The following NFAM1 variants were observed in gnomAD, a reference collection of about 807,000 sequenced individuals.
NFAM1 encodes NFAT activating protein with ITAM motif 1.
A neutral mutation model predicts 29.0 loss-of-function variants in NFAM1; 17 were observed. The observed-to-expected ratio is 0.59, with a 90% confidence interval of 0.40 to 0.88. The LOEUF is 0.88. NFAM1 is among the 40% of genes least tolerant of loss of function. The probability of loss-of-function intolerance (pLI) is 0.00; values close to 1 mark genes in which losing one functional copy is unlikely to be tolerated. For synonymous variants in NFAM1, 175 were observed against 147.2 expected (o/e 1.19, Z -1.36); for missense variants, 324 against 344.6 (o/e 0.94, Z 0.47).
upstream of NFAM1, among the ~76,000 whole-genome samples, chr22:42,436,580 G>A (rs1930946322): frequency 6.6e-6 from 1 of 152,216 alleles, no homozygotes. Flanking sequence ...CCCGCAGGCT[G>A]CCCGGGCTGG....
intron 2 of NFAM1, among the ~76,000 whole-genome samples, chr22:42,411,019 C>CTT (rs138369373): frequency 0.025 from 3,081 of 121,394 alleles, 166 homozygotes; most frequent in African/African-American, 0.095. Flanking sequence ...CTTTTCTTTT[C>CTT]TTTTTTTTTT....
upstream of NFAM1, among the ~76,000 whole-genome samples, chr22:42,434,562 C>T (rs755787574): frequency 9.2e-5 from 14 of 152,190 alleles, no homozygotes; most frequent in Admixed American, 2.0e-4. Flanking sequence ...GCTGCGCTGT[C>T]GGGGCCTCGT....
intron 1 of NFAM1, among the ~76,000 whole-genome samples, chr22:42,429,014 G>C: frequency 6.6e-6 from 1 of 152,178 alleles, no homozygotes; most frequent in South Asian, 2.1e-4. Context: ...GCTTTGCAGA[G>C]GGGTCAAGAA....
In NFAM1 at chr22:42,395,000, C is replaced by T. The variant is rs1929469687; in HGVS notation, c.663+2858G>A. ...ACCAGCCTGGGCAATATAGTGAGAC[C>T]TTGTCTCTACAAAAAATTAAAAAAT... On this transcript the variant is annotated intron_variant, in intron 4 of 5. Transcript: ENST00000329021. Among the ~76,000 whole-genome samples the T allele has an allele frequency of 2.6e-5, 4 of 152,186 alleles. No homozygotes were observed. The South Asian group carries it at 8.3e-4, about 32-fold the overall frequency.
At chr22:42,431,789 C>G (rs1262535906) in intron 1 of NFAM1, among the ~76,000 whole-genome samples, 1 of 148,820 alleles carries the variant, frequency 6.7e-6, no homozygotes, top group Admixed American at 6.6e-5. Flanking sequence ...CCCCTCCCCC[C>G]TCTCCCCGCT....
chr22:42,430,940 A>T (rs1930777274), intron 1 of NFAM1, among the ~76,000 whole-genome samples: 1 of 152,198 alleles, frequency 6.6e-6, no homozygotes. Context: ...TGTTTGCACC[A>T]ACTGTCTGGG....
rs539547192 is a variant in NFAM1, at chr22:42,428,088, G to A, written c.121+4149C>T. Among the ~76,000 whole-genome samples, 19 of 152,310 alleles carry A rather than the reference G, an allele frequency of 1.2e-4. No individual in the cohort carries two copies. The South Asian group carries it at 2.3e-3, about 18-fold the overall frequency. ...GACAGGACCCGCTGGGAGTGTGCCCGGACCCCTACCTGAGGGGCATTTGTG... is the reference window on the plus strand; with the variant it reads ...GACAGGACCCGCTGGGAGTGTGCCCAGACCCCTACCTGAGGGGCATTTGTG... On this transcript the variant is annotated intron_variant, in intron 1 of 5. Coordinates refer to ENST00000329021, the MANE Select transcript of NFAM1 (RefSeq NM_145912.8).
chr22:42,395,506 AAAAAT>A (rs1206510011), intron 4 of NFAM1, among the ~76,000 whole-genome samples: 2 of 151,212 alleles, frequency 1.3e-5, no homozygotes, highest in Non-Finnish European at 2.9e-5. Flanking sequence ...TATAAATAAT[AAAAAT>A]AAAATAAAAT....
chr22:42,420,316 A>T (rs1047359788), intron 1 of NFAM1, among the ~76,000 whole-genome samples: 26 of 152,166 alleles, frequency 1.7e-4, no homozygotes, highest in African/African-American at 6.3e-4. Flanking sequence ...TACTCAATAA[A>T]TAAATAAATT....
At chr22:42,425,695 T>C (rs981137806) in intron 1 of NFAM1, among the ~76,000 whole-genome samples, 1 of 152,170 alleles carries the variant, frequency 6.6e-6, no homozygotes, top group Non-Finnish European at 1.5e-5. Flanking sequence ...ACCCTCTCTC[T>C]TTGACCTTCC....
At chr22:42,413,883 G>A (rs1183531753) in intron 1 of NFAM1, among the ~76,000 whole-genome samples, 4 of 152,070 alleles carry the variant, frequency 2.6e-5, no homozygotes, top group Non-Finnish European at 4.4e-5. Flanking sequence ...GCAAAACCCC[G>A]TCTCTACTAA....
intron 1 of NFAM1, among the ~76,000 whole-genome samples, chr22:42,427,829 T>C (rs917483813): frequency 6.6e-6 from 1 of 152,066 alleles, no homozygotes; most frequent in Admixed American, 6.6e-5. Context: ...ATGATAAAAC[T>C]ACAAAGAAAT....
intron 1 of NFAM1, among the ~76,000 whole-genome samples, chr22:42,428,464 C>A (rs1930695171): frequency 6.6e-6 from 1 of 152,062 alleles, no homozygotes; most frequent in African/African-American, 2.4e-5. Flanking sequence ...TTTTTTGAGA[C>A]AGAGTCCTGC....
In NFAM1 at chr22:42,419,849, G is replaced by A. The variant is rs1265578258; in HGVS notation, c.122-8113C>T. ...TCACTGTTAAGCCATGTGATCAGAA[G>A]AGCCAATGTCCCCTGGGTTTGGTTT... On this transcript the variant is annotated intron_variant, in intron 1 of 5. Transcript: ENST00000329021. This position sits in a 1 kb window ranked among gnomAD's most constrained non-coding sequence, Gnocchi z 4.5. 6.6e-6 allele frequency among the ~76,000 whole-genome samples: 1 copy of A among 152,176 alleles called. No individual in the cohort carries two copies. The highest frequency in any genetic ancestry group is 1.9e-4 in the East Asian group (1 of 5,196).
chr22:42,431,330 G>C (rs1026220141), intron 1 of NFAM1, among the ~76,000 whole-genome samples: 3 of 152,172 alleles, frequency 2.0e-5, no homozygotes, highest in African/African-American at 4.8e-5. Flanking sequence ...ATGAGAGGGG[G>C]TGCAGCAGGA....
chr22:42,386,884 C>T (rs766588979), intron 5 of NFAM1, 105 bp downstream of exon 5: 2 of 632,330 alleles, frequency 3.2e-6, no homozygotes, highest in Non-Finnish European at 5.5e-6. Flanking sequence ...TGGGATTCCA[C>T]AGCAGGTGGC....
chr22:42,406,865 C>T (rs1003586028), intron 3 of NFAM1, among the ~76,000 whole-genome samples: 1 of 152,078 alleles, frequency 6.6e-6, no homozygotes, highest in Admixed American at 6.6e-5. Context: ...ACCTCCACCT[C>T]CCAGGTTTAG....
At chr22:42,400,705 G>A (rs1239193981) in intron 3 of NFAM1, among the ~76,000 whole-genome samples, 2 of 152,236 alleles carry the variant, frequency 1.3e-5, no homozygotes, top group Non-Finnish European at 2.9e-5. Context: ...CCAGATGTGT[G>A]TCCTCAAATC....
At chr22:42,391,945 CAAAAAAAA>C (rs58006775) in intron 4 of NFAM1, among the ~76,000 whole-genome samples, 7 of 68,968 alleles carry the variant, frequency 1.0e-4, no homozygotes, top group African/African-American at 2.6e-4. Context: ...GACTCTGTCT[CAAAAAAAA>C]AAAAAAAAAA....
Sources: allele counts gnomAD v4.1 joint callset (sites outside exome capture counted in the v4.1 genomes callset), GRCh38; gene constraint gnomAD v4.1.1; non-coding constraint Gnocchi (gnomAD v3.1); transcripts MANE v1.5; gene names NCBI Gene and HGNC (gene_info 2026-07-23, HGNC 2026-07-21).